XIRP2: variants seen among roughly 807,000 people sequenced by gnomAD.
XIRP2 encodes xin actin-binding repeat-containing protein 2.
XIRP2 carries 236 observed loss-of-function variants against 277.0 expected under a neutral mutation model. The ratio of observed to expected loss-of-function variants is 0.85; its 90% CI spans 0.77 to 0.95. The LOEUF (loss-of-function observed/expected upper bound fraction) is 0.95, where lower values mean the gene tolerates loss of function less well. XIRP2 is among the 40% of genes least tolerant of loss of function. The pLI is 0.00. For missense variants in XIRP2, 4,640 were observed against 4,157.5 expected, an observed-to-expected ratio of 1.12 and a Z score of -3.19; for synonymous variants, 1,490 against 1,416.5, an observed-to-expected ratio of 1.05 and a Z score of -1.17.
chr2:167,140,781 A>T (rs1284292729), intron 3 of XIRP2: 1 of 152,192 alleles, frequency 6.6e-6, no homozygotes, highest in Non-Finnish European at 1.5e-5. Context: ...ATCAGTAATC[A>T]TCTCTAATTG....
intron 3 of XIRP2, among the ~76,000 whole-genome samples, chr2:167,162,774 A>G (rs890751709): frequency 6.6e-6 from 1 of 152,182 alleles, no homozygotes; most frequent in Non-Finnish European, 1.5e-5. Flanking sequence ...TTGACATCCA[A>G]CCATGTTCAT....
rs754049787 is a variant in XIRP2 at position 167,244,612 on chromosome 2, G to A, written c.3220G>A (p.Glu1074Lys). ...LDSIKYFSDV[E>K]ETESKTEQTR... ...TTCAATTAAATATTTTAGTGATGTG[G>A]AAGAAACAGAAAGTAAAACTGAACA... is the stretch of plus-strand genomic sequence containing the variant. The change falls in exon 9 of 11, where the codon GAA becomes AAA. Residue 1074 changes from glutamate to lysine, a missense_variant. Coordinates refer to ENST00000409195, the MANE Select transcript of XIRP2 (RefSeq NM_152381.6). 8 of 1,612,750 alleles carry A rather than the reference G, an allele frequency of 5.0e-6. No homozygotes were observed. Among genetic ancestry groups the A allele is most frequent in the Non-Finnish European group, 6.8e-6 (8 of 1,179,440 alleles).
chr2:167,094,411 A>G (rs1188799084), intron 2 of XIRP2, among the ~76,000 whole-genome samples: 2 of 152,160 alleles, frequency 1.3e-5, no homozygotes, highest in East Asian at 3.9e-4. Flanking sequence ...CCTGAATGGT[A>G]TTGCCTAGGT....
At chr2:167,144,675 C>T (rs1307770460) in intron 3 of XIRP2, among the ~76,000 whole-genome samples, 1 of 152,062 alleles carries the variant, frequency 6.6e-6, no homozygotes, top group Non-Finnish European at 1.5e-5. Flanking sequence ...GATATATCAC[C>T]TCCAAATCTT....
chr2:166,937,695 G>A (rs1425342330), intron 2 of XIRP2, among the ~76,000 whole-genome samples: 1 of 152,084 alleles, frequency 6.6e-6, no homozygotes, highest in Admixed American at 6.5e-5. Flanking sequence ...TGTACCTCTG[G>A]TAGAATTTGG....
chr2:166,917,758 T>A (rs1684928374), intron 2 of XIRP2, among the ~76,000 whole-genome samples: 1 of 152,190 alleles, frequency 6.6e-6, no homozygotes, highest in South Asian at 2.1e-4. Flanking sequence ...GTTTTTGCCC[T>A]TGTGTTATAA....
chr2:167,129,805 G>T (rs1691321848), intron 2 of XIRP2, among the ~76,000 whole-genome samples: 1 of 150,060 alleles, frequency 6.7e-6, no homozygotes. Flanking sequence ...GGGAGGCAGA[G>T]ATTGTGGTGA....
At chr2:167,074,521 A>C (rs980842471) in intron 2 of XIRP2, among the ~76,000 whole-genome samples, 1 of 152,174 alleles carries the variant, frequency 6.6e-6, no homozygotes, top group Non-Finnish European at 1.5e-5. Context: ...CATATTTTTT[A>C]AAACAATGGA....
intron 3 of XIRP2, among the ~76,000 whole-genome samples, chr2:167,144,017 A>G (rs1215224631): frequency 1.3e-5 from 2 of 152,102 alleles, no homozygotes; most frequent in Non-Finnish European, 2.9e-5. Flanking sequence ...GACATTTAAT[A>G]TTAGAAATAC....
intron 8 of XIRP2, 92 bp from the exon 9 acceptor site, chr2:167,242,477 G>A (rs1454954341): frequency 3.1e-6 from 4 of 1,301,184 alleles, no homozygotes; most frequent in Non-Finnish European, 3.2e-6. Context: ...TATCATAGGA[G>A]GGTCCAGGTT....
intron 3 of XIRP2, among the ~76,000 whole-genome samples, chr2:167,172,420 CAGACAAGCA>C (rs1029649376): frequency 3.9e-4 from 60 of 152,246 alleles, no homozygotes; most frequent in African/African-American, 1.3e-3. Flanking sequence ...GGTTTGAGAG[CAGACAAGCA>C]GTCTGACCAA....
intron 2 of XIRP2, among the ~76,000 whole-genome samples, chr2:167,089,304 C>G (rs558591890): frequency 2.0e-5 from 3 of 152,254 alleles, no homozygotes; most frequent in African/African-American, 7.2e-5. Context: ...CTTGGCTACT[C>G]TACCTAATTT....
chr2:166,933,295 C>A (rs1685401456), intron 2 of XIRP2, among the ~76,000 whole-genome samples: 2 of 151,628 alleles, frequency 1.3e-5, no homozygotes, highest in Non-Finnish European at 2.9e-5. Flanking sequence ...ACTACAGGGG[C>A]CCACCACCAT....
intron 2 of XIRP2, among the ~76,000 whole-genome samples, chr2:167,043,821 TTTA>T (rs1688723292): frequency 6.6e-6 from 1 of 152,004 alleles, no homozygotes; most frequent in Non-Finnish European, 1.5e-5. Context: ...GAAGGGTTCC[TTTA>T]TTATGTTTAT....
chr2:167,064,260 G>A (rs897056584), intron 2 of XIRP2, among the ~76,000 whole-genome samples: 1 of 151,606 alleles, frequency 6.6e-6, no homozygotes, highest in Non-Finnish European at 1.5e-5. Context: ...TGGTTTATTA[G>A]CTATTCCTCT....
At chr2:167,224,994 A>C (rs1432874313) in intron 5 of XIRP2, among the ~76,000 whole-genome samples, 2 of 152,194 alleles carry the variant, frequency 1.3e-5, no homozygotes, top group Non-Finnish European at 2.9e-5. Flanking sequence ...GTGTTTTAAA[A>C]ATTATAATAG....
chr2:167,164,316 G>A (rs1161388211), intron 3 of XIRP2, among the ~76,000 whole-genome samples: 3 of 151,766 alleles, frequency 2.0e-5, no homozygotes, highest in Admixed American at 1.3e-4. Context: ...CGTGTTAGCC[G>A]GCGCCTGTAG....
chr2:167,153,907 C>T (rs182538314), intron 3 of XIRP2, among the ~76,000 whole-genome samples: 2,461 of 151,430 alleles, frequency 0.016, 18 homozygotes, highest in Non-Finnish European at 0.024. Context: ...GATTTATAGT[C>T]CTTTGGGCAT....
At chr2:167,158,778 T>G (rs1692278048) in intron 3 of XIRP2, among the ~76,000 whole-genome samples, 1 of 152,178 alleles carries the variant, frequency 6.6e-6, no homozygotes, top group Non-Finnish European at 1.5e-5. Context: ...TTATTGCACT[T>G]GATAGTTTTA....
Sources: gnomAD v4.1 joint callset for allele counts (sites outside exome capture counted in the v4.1 genomes callset) on GRCh38, gnomAD v4.1.1 for gene constraint, MANE v1.5 for transcripts, NCBI Gene and HGNC (gene_info 2026-07-23, HGNC 2026-07-21) for gene names.